The following MAEL variants were observed in gnomAD, a reference collection of about 807,000 sequenced individuals.
MAEL encodes protein maelstrom homolog.
In MAEL, 46 loss-of-function variants were observed where a neutral mutation model predicts 62.0. The ratio of observed to expected loss-of-function variants is 0.74; its 90% CI spans 0.59 to 0.95. The LOEUF (loss-of-function observed/expected upper bound fraction) is 0.95, where lower values mean the gene tolerates loss of function less well. MAEL is among the 40% of genes least tolerant of loss of function. The pLI, the probability that MAEL is intolerant of heterozygous loss-of-function variation, is 0.00. For missense variants in MAEL, 497 were observed against 526.8 expected (o/e 0.94, Z 0.55); for synonymous variants, 172 against 175.5 (o/e 0.98, Z 0.16).
chr1:166,997,756 C>T (rs977005004), intron 5 of MAEL, among the ~76,000 whole-genome samples: 2 of 151,984 alleles, frequency 1.3e-5, no homozygotes. Context: ...TCATTTATGG[C>T]GTTTTGTGTC....
intron 4 of MAEL, 77 bp downstream of exon 4, chr1:166,992,918 G>GTACTT (rs1664256242): frequency 8.2e-7 from 1 of 1,220,934 alleles, no homozygotes; most frequent in Non-Finnish European, 1.1e-6. Flanking sequence ...TTTGATAATA[G>GTACTT]TACTTTTTCT....
chr1:166,995,213 T>A (rs185079051), intron 5 of MAEL, among the ~76,000 whole-genome samples: 3 of 151,992 alleles, frequency 2.0e-5, no homozygotes, highest in Non-Finnish European at 4.4e-5. Flanking sequence ...GAATAAGAAA[T>A]GTAAGGGAGA....
chr1:166,978,262 T>C (rs1439292644), intron 1 of MAEL, among the ~76,000 whole-genome samples: 1 of 152,202 alleles, frequency 6.6e-6, no homozygotes, highest in African/African-American at 2.4e-5. Flanking sequence ...ATCCTGAATC[T>C]TCCTGAGTGA....
chr1:167,007,120 G>T (rs1472295133), intron 8 of MAEL, among the ~76,000 whole-genome samples: 1 of 150,068 alleles, frequency 6.7e-6, no homozygotes. Context: ...TTATTGGTTG[G>T]CATTCCACTG....
intron 8 of MAEL, among the ~76,000 whole-genome samples, chr1:167,009,935 G>GT (rs1665096213): frequency 6.6e-6 from 1 of 151,930 alleles, no homozygotes; most frequent in African/African-American, 2.4e-5. Context: ...TTCAGGGTGT[G>GT]TTTTTATATT....
At chr1:167,009,499 T>C (rs1190643298) in intron 8 of MAEL, among the ~76,000 whole-genome samples, 2 of 152,104 alleles carry the variant, frequency 1.3e-5, no homozygotes, top group Non-Finnish European at 2.9e-5. Flanking sequence ...ATACTGTTAC[T>C]AGGCTATTTC....
intron 8 of MAEL, among the ~76,000 whole-genome samples, chr1:167,009,055 A>G (rs1396344803): frequency 1.3e-5 from 2 of 152,122 alleles, no homozygotes; most frequent in East Asian, 3.8e-4. Flanking sequence ...CACATACATC[A>G]TCTACATTAA....
chr1:167,002,385 T>C (rs1349652947), intron 5 of MAEL, among the ~76,000 whole-genome samples: 4 of 152,224 alleles, frequency 2.6e-5, no homozygotes, highest in African/African-American at 4.8e-5. Flanking sequence ...AAAAGTGTTA[T>C]GTTGGATAAT....
rs1557990991 is a variant in MAEL, at chr1:167,021,686, C to T, written c.1136C>T (p.Ala379Val). ...ATCCTAGGTGACTACCCATCTAGGGCAAAAATTTCTGGCCAAAACAGCAGC... is the reference window on the plus strand; with the variant it reads ...ATCCTAGGTGACTACCCATCTAGGGTAAAAATTTCTGGCCAAAACAGCAGC... ...NTPIGDYPSRAKISGQNSSVR... is the reference protein window; with the variant it reads ...NTPIGDYPSRVKISGQNSSVR... The change falls in exon 12 of 12, where the codon GCA (alanine) becomes GTA (valine). Residue 379 changes from alanine (A) to valine (V), a missense_variant. Physicochemically the swap from Ala to Val is moderately conservative, Grantham distance 64 (BLOSUM62 0). Coordinates refer to ENST00000367872, the MANE Select transcript of MAEL (RefSeq NM_032858.3). 6.2e-7 allele frequency: 1 copy of T among 1,605,784 alleles called. No homozygotes were observed. The highest frequency in any genetic ancestry group is 2.2e-5 in the East Asian group (1 of 44,762).
At chr1:166,992,584 A>G in intron 3 of MAEL, 102 bp from the exon 4 acceptor site, 1 of 804,670 alleles carries the variant, frequency 1.2e-6, no homozygotes, top group Admixed American at 3.5e-5. Context: ...ACAGAAAGAA[A>G]ATTGTTCTAA....
chr1:166,991,771 AAAAAC>A (rs1040248654), intron 3 of MAEL, among the ~76,000 whole-genome samples: 1 of 152,170 alleles, frequency 6.6e-6, no homozygotes, highest in African/African-American at 2.4e-5. Context: ...TACTTAAGTT[AAAAAC>A]AAAAGTAAAC....
In MAEL at chr1:167,021,122, A is replaced by G. The variant is rs34554682; in HGVS notation, c.1079A>G (p.Asn360Ser). 0.036 allele frequency: 57,225 copies of G among 1,611,232 alleles called. 1,260 individuals are homozygous for G. The highest frequency in any genetic ancestry group is 0.039 in the Non-Finnish European group (45,687 of 1,177,798). ...RVGSSGFSHF[N>S]SSNEEQRSNT... ...GGGAGTTCAGGATTCTCTCATTTCA[A>G]CTCTTCTAATGAGGAACAAAGATCA... Residue 360 changes from asparagine to serine, a missense_variant, in exon 11 of 12, where the codon AAC becomes AGC. Asn to Ser is a conservative substitution (Grantham distance 46, BLOSUM62 1). Coordinates refer to ENST00000367872, the MANE Select transcript of MAEL (RefSeq NM_032858.3).
intron 8 of MAEL, among the ~76,000 whole-genome samples, chr1:167,015,810 T>C (rs910788716): frequency 2.0e-5 from 3 of 152,190 alleles, no homozygotes; most frequent in African/African-American, 4.8e-5. Flanking sequence ...GTATTATGCT[T>C]GCATATCTTT....
At chr1:167,003,272 A>T (rs1393002826) in intron 5 of MAEL, among the ~76,000 whole-genome samples, 1 of 152,162 alleles carries the variant, frequency 6.6e-6, no homozygotes, top group Admixed American at 6.5e-5. Flanking sequence ...ATACATAATT[A>T]ACAATTTTAT....
At chr1:167,016,940 G>A (rs1446289095) in intron 9 of MAEL, among the ~76,000 whole-genome samples, 3 of 152,086 alleles carry the variant, frequency 2.0e-5, no homozygotes, top group Non-Finnish European at 2.9e-5. Context: ...CAAAACAATT[G>A]AACCCATGGA....
intron 5 of MAEL, among the ~76,000 whole-genome samples, chr1:166,994,385 T>G (rs1029271879): frequency 6.6e-6 from 1 of 152,160 alleles, no homozygotes; most frequent in Non-Finnish European, 1.5e-5. Flanking sequence ...TTTAGGACTG[T>G]TTTCAGGGAC....
chr1:166,982,542 G>T (rs897593111), intron 1 of MAEL, among the ~76,000 whole-genome samples: 1 of 151,894 alleles, frequency 6.6e-6, no homozygotes, highest in African/African-American at 2.4e-5. Flanking sequence ...GAATAATGTT[G>T]GCCTTCACTT....
chr1:166,999,480 A>C (rs1664570566), intron 5 of MAEL, among the ~76,000 whole-genome samples: 1 of 152,218 alleles, frequency 6.6e-6, no homozygotes, highest in East Asian at 1.9e-4. Flanking sequence ...GAAGCTGCAG[A>C]ATAAAAGTCT....
upstream of MAEL, among the ~76,000 whole-genome samples, chr1:166,986,358 T>TA (rs1013175225): frequency 5.3e-5 from 8 of 152,138 alleles, no homozygotes; most frequent in South Asian, 2.1e-4. Context: ...AATGTTGTTA[T>TA]AAAAAAAAGC....
Sources: gnomAD v4.1 joint callset for allele counts (sites outside exome capture counted in the v4.1 genomes callset) on GRCh38, gnomAD v4.1.1 for gene constraint, MANE v1.5 for transcripts, NCBI Gene and HGNC (gene_info 2026-07-23, HGNC 2026-07-21) for gene names.